The following WDR11 variants were observed in gnomAD, a reference collection of about 807,000 sequenced individuals.
The protein encoded by WDR11 is WD repeat-containing protein 11.
Under a neutral mutation model 151.2 loss-of-function variants are expected in WDR11, and 83 were observed. The ratio of observed to expected loss-of-function variants is 0.55; its 90% confidence interval spans 0.46 to 0.66. The LOEUF is 0.66. Among genes scored for constraint, WDR11 ranks in the 30% least tolerant of loss-of-function variants. The pLI is 0.00. For missense variants in WDR11, 1,301 were observed against 1,480.9 expected (o/e 0.88, Z 1.99); for synonymous variants, 484 against 533.1 (o/e 0.91, Z 1.27).
intron 14 of WDR11, 69 bp from the exon 15 acceptor site, chr10:120,885,745 G>C (rs1847194367): frequency 6.2e-7 from 1 of 1,600,038 alleles, no homozygotes; most frequent in Non-Finnish European, 8.5e-7. Context: ...TGTGTGCCCA[G>C]CTCTTCTGGA....
intron 4 of WDR11, chr10:120,862,312 G>A (rs55927877): frequency 5.9e-6 from 1 of 169,706 alleles, no homozygotes; most frequent in Non-Finnish European, 1.3e-5. Context: ...GCTAATTTTT[G>A]TATTTTTGGT....
At chr10:120,862,091 A>C (rs1490768209) in intron 4 of WDR11, among the ~76,000 whole-genome samples, 1 of 151,848 alleles carries the variant, frequency 6.6e-6, no homozygotes, top group Admixed American at 6.6e-5. Context: ...TTGTTTTTTT[A>C]AGTTATGGGA....
chr10:120,851,898 C>T, intron 1 of WDR11: 1 of 329,858 alleles, frequency 3.0e-6, no homozygotes, highest in Non-Finnish European at 5.8e-6. Context: ...TTCCTGTTGT[C>T]TTTCAACAAT....
chr10:120,876,762 C>G (rs540649021), intron 11 of WDR11, among the ~76,000 whole-genome samples: 7 of 152,188 alleles, frequency 4.6e-5, no homozygotes, highest in Admixed American at 3.3e-4. Context: ...ATACTTCACA[C>G]GTATCATTTC....
At chr10:120,867,387 T>C (rs1024884391) in intron 9 of WDR11, among the ~76,000 whole-genome samples, 5 of 152,218 alleles carry the variant, frequency 3.3e-5, no homozygotes, top group Non-Finnish European at 7.3e-5. Context: ...TTGTTAGAAA[T>C]AGAAAACGTT....
At chr10:120,855,709 T>C (rs7092977) in intron 2 of WDR11, among the ~76,000 whole-genome samples, 46,091 of 152,134 alleles carry the variant, frequency 0.3, 7,381 homozygotes, top group East Asian at 0.42. Context: ...TGTTTATTGA[T>C]CATATCCTGT....
rs199555909 is a variant in WDR11, at chr10:120,865,077, T to G, written c.744T>G (p.Leu248=). The G allele has an allele frequency of 6.2e-7, 1 of 1,613,968 alleles. No homozygotes were observed. The highest frequency in any genetic ancestry group is 2.2e-5 in the East Asian group (1 of 44,826). Residue 248 remains leucine, a synonymous_variant, in exon 6 of 29, where the codon CTT becomes CTG. Transcript: ENST00000263461. ...AATTCATAACTCTCAATGATTGCCT[T>G]CAGTTGGCATACCTGCCTTCAAAAA... ...SAEFITLNDC[L]QLAYLPSKRN...
chr10:120,887,304 C>T (rs1382841220), intron 16 of WDR11, among the ~76,000 whole-genome samples: 1 of 152,136 alleles, frequency 6.6e-6, no homozygotes, highest in Non-Finnish European at 1.5e-5. Flanking sequence ...CATTTACTAA[C>T]TTACATATAT....
At chr10:120,869,687 T>C (rs1846459787) in intron 9 of WDR11, among the ~76,000 whole-genome samples, 1 of 152,208 alleles carries the variant, frequency 6.6e-6, no homozygotes, top group Non-Finnish European at 1.5e-5. Context: ...GAAAAATACT[T>C]GAAGAAAAAT....
rs1160407122 is a variant in WDR11 at position 120,865,037 on chromosome 10, CT to C, written c.714-4del. On this transcript the variant is annotated splice_polypyrimidine_tract_variant and intron_variant, in intron 5 of 28. Coordinates refer to ENST00000263461, the MANE Select transcript of WDR11 (RefSeq NM_018117.12). ...AGTCTTTGACCCAAGTGAATGTTTA[CT>C]TTTTTCAGTGCTGAATTCATAACTC... The C allele has an allele frequency of 6.2e-7, 1 of 1,613,616 alleles. No individual in the cohort carries two copies. The highest frequency in any genetic ancestry group is 1.3e-5 in the African/African-American group (1 of 75,042).
intron 9 of WDR11, among the ~76,000 whole-genome samples, chr10:120,869,106 G>GTTTTTTT (rs35675368): frequency 2.4e-5 from 2 of 82,018 alleles, no homozygotes; most frequent in Non-Finnish European, 4.8e-5. Flanking sequence ...TAAATTACAG[G>GTTTTTTT]TTTTTTTTTT....
At chr10:120,869,430 A>C (rs1846446770) in intron 9 of WDR11, among the ~76,000 whole-genome samples, 1 of 149,710 alleles carries the variant, frequency 6.7e-6, no homozygotes, top group Non-Finnish European at 1.5e-5. Context: ...AGTTTTTAAG[A>C]GACAAATGGA....
chr10:120,905,359 C>A lies in WDR11; in HGVS notation c.3234C>A (p.Asp1078Glu), dbSNP rs376796703. 1.2e-6 allele frequency: 2 copies of A among 1,614,134 alleles called. No homozygotes were observed. Among genetic ancestry groups the A allele is most frequent in the South Asian group, 2.2e-5 (2 of 91,076 alleles). ...QLLCLIDKAADACRYLQTYGE... is the reference protein window; with the variant it reads ...QLLCLIDKAAEACRYLQTYGE... ...TCTGCCTGATAGATAAGGCTGCAGA[C>A]GCCTGCCGCTACCTGCAGACATACG... The change falls in exon 26 of 29, where the codon GAC becomes GAA. Residue 1078 changes from aspartate to glutamate, a missense_variant. Asp to Glu is a conservative substitution (Grantham distance 45, BLOSUM62 2). Transcript: ENST00000263461.
intron 5 of WDR11, among the ~76,000 whole-genome samples, chr10:120,864,259 C>A (rs761069114): frequency 6.6e-6 from 1 of 152,068 alleles, no homozygotes; most frequent in Admixed American, 6.6e-5. Context: ...ATAAAAATTC[C>A]TCTTTCTAGT....
At position 120,885,842 on chromosome 10, in the gene WDR11, G is replaced by A; in HGVS notation, c.1877G>A (p.Ser626Asn). 1 of 1,613,792 alleles carries A rather than the reference G, an allele frequency of 6.2e-7. No homozygotes were observed. The highest frequency in any genetic ancestry group is 8.5e-7 in the Non-Finnish European group (1 of 1,179,814). ...TGGTCACCATCTCACAACTTGAAGA[G>A]CCTGAGAAAGAAGCAACTTGCAACT... Reference protein sequence around the residue: ...LEWSPSHNLKSLRKKQLATRE... With the variant: ...LEWSPSHNLKNLRKKQLATRE... The change falls in exon 15 of 29, where the codon AGC (serine) becomes AAC (asparagine). Residue 626 changes from serine to asparagine, a missense_variant. Physicochemically the swap from Ser to Asn is conservative, Grantham distance 46. Transcript: ENST00000263461.
intron 3 of WDR11, 100 bp from the exon 4 acceptor site, chr10:120,860,009 A>G: frequency 2.1e-6 from 3 of 1,414,204 alleles, no homozygotes; most frequent in Non-Finnish European, 3.0e-6. Flanking sequence ...TTAAGTTTTT[A>G]AAGATTATAT....
chr10:120,865,770 T>C, intron 7 of WDR11, 26 bp downstream of exon 7: 1 of 1,465,008 alleles, frequency 6.8e-7, no homozygotes, highest in East Asian at 2.3e-5. Context: ...ACAATAATGT[T>C]ATATTTTTCT....
rs763126928 is a variant in WDR11 at position 120,858,805 on chromosome 10, A to G, written c.352+9A>G. 4.3e-6 allele frequency: 7 copies of G among 1,614,006 alleles called. No homozygotes were observed. Among genetic ancestry groups the G allele is most frequent in the South Asian group, 3.3e-5 (3 of 91,084 alleles). ...TGCCAAGCCTATCCAGGGTGAGGAA[A>G]GTCTGCTCAGCTAAGTGTGTATATT... On this transcript the variant is annotated intron_variant, in intron 3 of 28. Transcript: ENST00000263461.
intron 19 of WDR11, 65 bp from the exon 20 acceptor site, chr10:120,899,964 T>C (rs1847753536): frequency 4.4e-6 from 6 of 1,358,028 alleles, no homozygotes; most frequent in South Asian, 1.2e-5. Context: ...AAATGGTTTA[T>C]AGCTGAAGCT....
Sources: allele counts gnomAD v4.1 joint callset (sites outside exome capture counted in the v4.1 genomes callset), GRCh38; gene constraint gnomAD v4.1.1; transcripts MANE v1.5; gene names NCBI Gene and HGNC (gene_info 2026-07-23, HGNC 2026-07-21).